The following SCRG1 variants were observed in gnomAD, a reference collection of about 807,000 sequenced individuals.
The protein encoded by SCRG1 is stimulator of chondrogenesis 1.
In SCRG1, 3 loss-of-function variants were observed where a neutral mutation model predicts 7.7. That is an observed-to-expected ratio of 0.39 (90% CI 0.18 to 1.01). The LOEUF is 1.01. Among genes scored for constraint, SCRG1 ranks in the 50% least tolerant of loss-of-function variants. The pLI is 0.36. For missense variants in SCRG1, 110 were observed against 117.2 expected, an observed-to-expected ratio of 0.94 and a Z score of 0.28; for synonymous variants, 46 against 41.2, an observed-to-expected ratio of 1.12 and a Z score of -0.44.
chr4:173,428,086 G>A, the SCRG1 span, among the ~76,000 whole-genome samples: 6 of 152,132 alleles, frequency 3.9e-5, no homozygotes, highest in African/African-American at 1.4e-4. Context: ...TGGGGTGGAG[G>A]GGTGGAACAG....
the SCRG1 span, among the ~76,000 whole-genome samples, chr4:173,512,845 G>T: frequency 6.6e-6 from 1 of 152,208 alleles, no homozygotes; most frequent in African/African-American, 2.4e-5. Context: ...GTAAATGAAG[G>T]TGTCATCCGC....
chr4:173,510,199 C>T, the SCRG1 span, among the ~76,000 whole-genome samples: 1 of 152,066 alleles, frequency 6.6e-6, no homozygotes, highest in Non-Finnish European at 1.5e-5. This position sits in a 1 kb window ranked among gnomAD's most constrained non-coding sequence, Gnocchi z 5.7. Flanking sequence ...CAGGATCTGG[C>T]TCCATTTATT....
the SCRG1 span, among the ~76,000 whole-genome samples, chr4:173,413,029 GC>G: frequency 6.6e-6 from 1 of 151,882 alleles, no homozygotes; most frequent in Non-Finnish European, 1.5e-5. Flanking sequence ...TTAGACTGTT[GC>G]TCAGAGACTC....
At chr4:173,476,586 T>G in the SCRG1 span, among the ~76,000 whole-genome samples, 1 of 151,910 alleles carries the variant, frequency 6.6e-6, no homozygotes, top group Non-Finnish European at 1.5e-5. Flanking sequence ...GTTCCTGAAC[T>G]GGCTGCATAA....
At chr4:173,449,894 A>G in the SCRG1 span, among the ~76,000 whole-genome samples, 4 of 152,212 alleles carry the variant, frequency 2.6e-5, no homozygotes. Flanking sequence ...AGGAGCTGAG[A>G]TATGCCTCTC....
chr4:173,419,181 C>CTT, the SCRG1 span: 2 of 345,304 alleles, frequency 5.8e-6, no homozygotes, highest in Non-Finnish European at 1.1e-5. Flanking sequence ...CCTCTTCCAT[C>CTT]TTTTTTTTCT....
chr4:173,457,109 A>T, the SCRG1 span, among the ~76,000 whole-genome samples: 1 of 152,250 alleles, frequency 6.6e-6, no homozygotes, highest in African/African-American at 2.4e-5. Flanking sequence ...GCATCAAAAT[A>T]TGCTGAAGGC....
the SCRG1 span, among the ~76,000 whole-genome samples, chr4:173,452,701 C>T: frequency 3.4e-4 from 52 of 152,158 alleles, 1 homozygote; most frequent in South Asian, 7.3e-3. Context: ...GCTCAAAATC[C>T]GGGGCCATGC....
At chr4:173,495,085 C>T in the SCRG1 span, among the ~76,000 whole-genome samples, 1 of 152,188 alleles carries the variant, frequency 6.6e-6, no homozygotes, top group Non-Finnish European at 1.5e-5. Flanking sequence ...ACAGGGCCTT[C>T]GGTAACTGCC....
At chr4:173,470,364 T>C in the SCRG1 span, among the ~76,000 whole-genome samples, 1 of 152,148 alleles carries the variant, frequency 6.6e-6, no homozygotes, top group Non-Finnish European at 1.5e-5. Context: ...TAATCCCTCC[T>C]TTGTGGAGCT....
At chr4:173,479,857 G>A in the SCRG1 span, among the ~76,000 whole-genome samples, 1 of 152,154 alleles carries the variant, frequency 6.6e-6, no homozygotes. Flanking sequence ...TAATAGTAAA[G>A]AGAATTGTGG....
At chr4:173,503,379 C>T in the SCRG1 span, among the ~76,000 whole-genome samples, 21 of 152,220 alleles carry the variant, frequency 1.4e-4, no homozygotes, top group African/African-American at 5.1e-4. This position sits in a 1 kb window ranked among gnomAD's most constrained non-coding sequence, Gnocchi z 6.4. Flanking sequence ...AAGGTTCAGA[C>T]CTTGTCCACC....
At chr4:173,483,197 T>A in the SCRG1 span, among the ~76,000 whole-genome samples, 1 of 15,958 alleles carries the variant, frequency 6.3e-5, no homozygotes, top group Non-Finnish European at 1.1e-4. Context: ...ATATGATATA[T>A]ATTATATGAT....
At chr4:173,389,314 C>G (rs558959267) in intron 2 of SCRG1, among the ~76,000 whole-genome samples, 1 of 152,206 alleles carries the variant, frequency 6.6e-6, no homozygotes, top group East Asian at 1.9e-4. Flanking sequence ...GCGGGCAGAT[C>G]ACGAGGTCAG....
At chr4:173,408,752 G>A (rs2126926529), upstream of SCRG1, among the ~76,000 whole-genome samples, 1 of 152,144 alleles carries the variant, frequency 6.6e-6, no homozygotes, top group East Asian at 1.9e-4. Context: ...CCAGCATTTT[G>A]GGAGCCTGAG....
rs189574676 is a variant in SCRG1, at chr4:173,386,447, C to G, written c.*1894G>C. On this transcript the variant is annotated 3_prime_UTR_variant, in exon 3 of 3. Coordinates refer to ENST00000296506, the MANE Select transcript of SCRG1 (RefSeq NM_007281.4). ...ACAGGCGTGAGCCACCGCACCCAGC[C>G]GTGTTTATATACACTTTAAGACACT... is the stretch of plus-strand genomic sequence containing the variant. The G allele has an allele frequency of 6.6e-6, 1 of 152,118 alleles. No homozygotes were observed. Among genetic ancestry groups the G allele is most frequent in the African/African-American group, 2.4e-5 (1 of 41,374 alleles). 9.4% of individuals were successfully genotyped at this position (152,118 alleles called of 1,614,324 possible). A position where few individuals can be genotyped will look rare whatever the true frequency, so the allele number is the denominator to read the frequency against.
chr4:173,484,203 T>C, the SCRG1 span, among the ~76,000 whole-genome samples: 2 of 78,276 alleles, frequency 2.6e-5, no homozygotes, highest in African/African-American at 1.1e-4. Flanking sequence ...TTATATATTA[T>C]ATATATTTTC....
chr4:173,398,316 A>G (rs536855856), intron 1 of SCRG1: 5 of 152,382 alleles, frequency 3.3e-5, no homozygotes, highest in Admixed American at 2.0e-4. Flanking sequence ...TCAGGCTTTT[A>G]GAGCATGCCA....
the SCRG1 span, among the ~76,000 whole-genome samples, chr4:173,457,775 ATACC>A: frequency 2.6e-3 from 403 of 152,294 alleles, 1 homozygote; most frequent in African/African-American, 9.0e-3. Flanking sequence ...TGTGACACTT[ATACC>A]TATACTACCT....
Sources: gnomAD v4.1 joint callset for allele counts (sites outside exome capture counted in the v4.1 genomes callset) on GRCh38, gnomAD v4.1.1 for gene constraint, Gnocchi (gnomAD v3.1) non-coding constraint, MANE v1.5 for transcripts, NCBI Gene and HGNC (gene_info 2026-07-23, HGNC 2026-07-21) for gene names.